Variants in NELL1 observed in about 807,000 individuals in gnomAD.
NELL1 encodes neural EGFL like 1, also known as protein kinase C-binding protein NELL1.
Under a neutral mutation model 107.4 loss-of-function variants are expected in NELL1, and 76 were observed. The observed-to-expected ratio is 0.71, with a 90% CI of 0.59 to 0.86. The LOEUF (loss-of-function observed/expected upper bound fraction) is 0.86. Ranked by LOEUF, NELL1 falls within the 40% of genes least tolerant of loss-of-function variation. NELL1 has a pLI of 0.00. For synonymous variants in NELL1, 353 were observed against 341.2 expected (o/e 1.03, Z -0.38); for missense variants, 1,024 against 1,005.5 (o/e 1.02, Z -0.25).
At chr11:20,806,275 T>C (rs1857382690) in intron 3 of NELL1, among the ~76,000 whole-genome samples, 1 of 151,696 alleles carries the variant, frequency 6.6e-6, no homozygotes, top group African/African-American at 2.4e-5. Flanking sequence ...TGTGTGTGTG[T>C]GTGTGTGTGT....
intron 13 of NELL1, among the ~76,000 whole-genome samples, chr11:21,135,378 C>T (rs375993282): frequency 2.8e-4 from 42 of 152,170 alleles, no homozygotes; most frequent in Non-Finnish European, 4.4e-4. Context: ...GTGTAATTGT[C>T]TGGTGCAGTA....
At chr11:21,245,911 A>G (rs1858478743) in intron 14 of NELL1, among the ~76,000 whole-genome samples, 1 of 152,174 alleles carries the variant, frequency 6.6e-6, no homozygotes, top group Non-Finnish European at 1.5e-5. Context: ...GATCCTGCTC[A>G]ATGCACAGGC....
intron 5 of NELL1, among the ~76,000 whole-genome samples, chr11:20,887,464 C>T (rs1165580708): frequency 1.3e-5 from 2 of 152,172 alleles, no homozygotes; most frequent in Non-Finnish European, 1.5e-5. Context: ...TTCCCACCAG[C>T]AATCTATGAA....
intron 12 of NELL1, among the ~76,000 whole-genome samples, chr11:20,969,456 A>T (rs2134226990): frequency 6.6e-6 from 1 of 152,290 alleles, no homozygotes; most frequent in Non-Finnish European, 1.5e-5. Context: ...AGAGTCTTCA[A>T]ACCATTAAAT....
At chr11:20,704,652 C>G (rs1384645293) in intron 2 of NELL1, among the ~76,000 whole-genome samples, 1 of 152,126 alleles carries the variant, frequency 6.6e-6, no homozygotes, top group African/African-American at 2.4e-5. Flanking sequence ...CCAGTTGTTC[C>G]TTTCCATGTT....
chr11:21,574,909 T>C (rs1289328632), intron 19 of NELL1, 63 bp from the exon 20 acceptor site: 3 of 1,414,438 alleles, frequency 2.1e-6, no homozygotes, highest in Non-Finnish European at 3.0e-6. Context: ...AGTATAAAAA[T>C]TGCAGACTGC....
intron 14 of NELL1, among the ~76,000 whole-genome samples, chr11:21,263,954 C>A (rs527240751): frequency 1.1e-4 from 16 of 151,786 alleles, no homozygotes; most frequent in Non-Finnish European, 2.1e-4. Context: ...CAAGAAGGAG[C>A]AGATGAAATT....
chr11:21,306,690 T>C (rs1399554056), intron 14 of NELL1, among the ~76,000 whole-genome samples: 1 of 152,050 alleles, frequency 6.6e-6, no homozygotes. Context: ...TCATTTATCA[T>C]AGGTTCTACT....
chr11:21,381,487 T>C (rs1012430710), intron 15 of NELL1, among the ~76,000 whole-genome samples: 17 of 151,980 alleles, frequency 1.1e-4, no homozygotes, highest in African/African-American at 3.9e-4. Flanking sequence ...AAATGAGATA[T>C]TGTACTTAAA....
intron 2 of NELL1, among the ~76,000 whole-genome samples, chr11:20,722,711 A>G: frequency 6.6e-6 from 1 of 152,198 alleles, no homozygotes; most frequent in South Asian, 2.1e-4. Flanking sequence ...GAGTCAGAGA[A>G]ATAAAGCAGA....
At chr11:20,733,627 T>A (rs1427455552) in intron 2 of NELL1, among the ~76,000 whole-genome samples, 1 of 152,326 alleles carries the variant, frequency 6.6e-6, no homozygotes, top group South Asian at 2.1e-4. Context: ...GTTGAGTACC[T>A]ACCACTGTGC....
chr11:21,136,433 T>C (rs983570484), intron 13 of NELL1, among the ~76,000 whole-genome samples: 1 of 152,208 alleles, frequency 6.6e-6, no homozygotes, highest in East Asian at 1.9e-4. Flanking sequence ...GGTAGGATAG[T>C]CACTATTGGT....
intron 2 of NELL1, among the ~76,000 whole-genome samples, chr11:20,759,895 C>G (rs1173112173): frequency 6.6e-6 from 1 of 152,190 alleles, no homozygotes; most frequent in African/African-American, 2.4e-5. Flanking sequence ...TGGACTCTAT[C>G]CCTGCTTTGC....
At chr11:21,183,879 A>ACTAGTAAAGGGAC (rs1415170597) in intron 13 of NELL1, among the ~76,000 whole-genome samples, 3 of 152,008 alleles carry the variant, frequency 2.0e-5, no homozygotes, top group Non-Finnish European at 1.5e-5. Context: ...GTAAAGGGAA[A>ACTAGTAAAGGGAC]TAGCTTCACT....
chr11:21,306,314 A>C (rs1167114424), intron 14 of NELL1, among the ~76,000 whole-genome samples: 1 of 152,064 alleles, frequency 6.6e-6, no homozygotes, highest in Non-Finnish European at 1.5e-5. Flanking sequence ...GATCAATTAA[A>C]TGGAACATCT....
chr11:21,305,148 C>G lies in NELL1; in HGVS notation c.1550-65705C>G, dbSNP rs549013161. Among the ~76,000 whole-genome samples the G allele has an allele frequency of 5.9e-5, 9 of 151,892 alleles. No homozygotes were observed. The South Asian group carries it at 8.3e-4, about 14-fold the overall frequency. ...GCAATGGTTGATTCTAAGAAACAAC[C>G]CTTGAGGCTTAATTGTATTTGAAAG... On this transcript the variant is annotated intron_variant, in intron 14 of 19. Coordinates refer to ENST00000357134, the MANE Select transcript of NELL1 (RefSeq NM_006157.5).
At chr11:21,130,058 A>G (rs1206060238) in intron 13 of NELL1, among the ~76,000 whole-genome samples, 1 of 152,226 alleles carries the variant, frequency 6.6e-6, no homozygotes, top group Non-Finnish European at 1.5e-5. Flanking sequence ...AAAGGATCAC[A>G]GAGGAGAGTT....
intron 2 of NELL1, among the ~76,000 whole-genome samples, chr11:20,708,066 T>G (rs913506012): frequency 6.6e-6 from 1 of 152,218 alleles, no homozygotes; most frequent in Non-Finnish European, 1.5e-5. Context: ...TCTCCCAGCC[T>G]CGCTGCTGCT....
At chr11:21,256,235 G>C (rs921796549) in intron 14 of NELL1, among the ~76,000 whole-genome samples, 2 of 151,910 alleles carry the variant, frequency 1.3e-5, no homozygotes, top group Admixed American at 6.6e-5. Flanking sequence ...TACCTCTACT[G>C]AGCAATCTTT....
Sources: allele counts gnomAD v4.1 joint callset (sites outside exome capture counted in the v4.1 genomes callset), GRCh38; gene constraint gnomAD v4.1.1; transcripts MANE v1.5; gene names NCBI Gene and HGNC (gene_info 2026-07-23, HGNC 2026-07-21).